The following CACNA1C variants were observed in gnomAD, a reference collection of about 807,000 sequenced individuals.
The protein encoded by CACNA1C is calcium voltage-gated channel subunit alpha1 C, also known as voltage-dependent L-type calcium channel subunit alpha-1C.
In CACNA1C, 30 loss-of-function variants were observed where a neutral mutation model predicts 229.0. The observed-to-expected ratio is 0.13, with a 90% confidence interval of 0.10 to 0.18. The LOEUF is 0.18. CACNA1C is among the 10% of genes least tolerant of loss of function. CACNA1C has a pLI of 1.00. For synonymous variants in CACNA1C, 1,114 were observed against 1,132.5 expected (o/e 0.98, Z 0.33); for missense variants, 1,658 against 2,845.0 (o/e 0.58, Z 9.49).
chr12:2,677,491 C>T lies in CACNA1C; in HGVS notation c.4957-242C>T. 1.6e-6 allele frequency: 1 copy of T among 613,988 alleles called. No homozygotes were observed. Among genetic ancestry groups the T allele is most frequent in the Non-Finnish European group, 2.8e-6 (1 of 352,542 alleles). 38.0% of individuals were successfully genotyped at this position (613,988 alleles called of 1,614,324 possible). A position where few individuals can be genotyped will look rare whatever the true frequency, so the allele number is the denominator to read the frequency against. On this transcript the variant is annotated intron_variant, in intron 40 of 46. Transcript: ENST00000399655. This position sits in a 1 kb window ranked among gnomAD's most constrained non-coding sequence, Gnocchi z 7.4. ...TACTTCACTGAGGCTCCCGTGACAGCCCCTGACCCCTGGTGCCCCGTCCTA... is the reference window on the plus strand; with the variant it reads ...TACTTCACTGAGGCTCCCGTGACAGTCCCTGACCCCTGGTGCCCCGTCCTA...
rs897822852 is a variant in CACNA1C, at chr12:2,221,832, G to A, written c.477+101402G>A. The A allele has an allele frequency of 7.2e-5, 11 of 152,166 alleles. No individual in the cohort carries two copies. The South Asian group carries it at 8.3e-4, about 11-fold the overall frequency. The allele number at this position is 152,166 out of a possible 1,614,324, so 9.4% of individuals were successfully genotyped here. A position where few individuals can be genotyped will look rare whatever the true frequency, so the allele number is the denominator to read the frequency against. On this transcript the variant is annotated intron_variant, in intron 3 of 46. Coordinates refer to ENST00000399655, the MANE Select transcript of CACNA1C (RefSeq NM_000719.7). The stretch of plus-strand genomic sequence containing the variant: ...GGGCTGGGTAACTAAGTTAGGATGC[G>A]TCCATATGATGGAACACCATGTAGC...
At chr12:2,173,358 A>G (rs2096552717) in intron 3 of CACNA1C, among the ~76,000 whole-genome samples, 1 of 152,192 alleles carries the variant, frequency 6.6e-6, no homozygotes, top group African/African-American at 2.4e-5. Flanking sequence ...ACGGGTATTA[A>G]TTGGCTATCA....
At chr12:2,091,152 A>G (rs896558927) in intron 1 of CACNA1C, among the ~76,000 whole-genome samples, 1 of 152,232 alleles carries the variant, frequency 6.6e-6, no homozygotes, top group African/African-American at 2.4e-5. Context: ...CTGCACCAGC[A>G]GAGGCATAGG....
At position 2,081,877 on chromosome 12, in the gene CACNA1C, C is replaced by T. The variant is rs2065778926; in HGVS notation, c.49+28266C>T. On this transcript the variant is annotated intron_variant, in intron 1 of 46. Coordinates refer to ENST00000399655, the MANE Select transcript of CACNA1C (RefSeq NM_000719.7). ...AAGAAAGCAGACAGAAATACCCAGA[C>T]ATTGACCTTTGGGCACCATCATTAT... Among the ~76,000 whole-genome samples the T allele has an allele frequency of 3.3e-5, 5 of 152,162 alleles. 1 individual carries two copies. The South Asian group carries it at 1.0e-3, about 32-fold the overall frequency.
At chr12:2,455,571 T>C (rs1411636423) in intron 4 of CACNA1C, among the ~76,000 whole-genome samples, 2 of 152,190 alleles carry the variant, frequency 1.3e-5, no homozygotes, top group East Asian at 1.9e-4. Flanking sequence ...ACTTGTGGCT[T>C]GCATCAGATT....
intron 9 of CACNA1C, among the ~76,000 whole-genome samples, chr12:2,545,891 C>T (rs1399027833): frequency 6.6e-5 from 10 of 152,260 alleles, no homozygotes; most frequent in Non-Finnish European, 1.2e-4. Context: ...AAGCACTTGA[C>T]ATCCAGAACT....
chr12:2,226,134 CA>C (rs1566519163), intron 3 of CACNA1C, among the ~76,000 whole-genome samples: 2,278 of 64,294 alleles, frequency 0.035, 54 homozygotes, highest in African/African-American at 0.12. Flanking sequence ...CGCACACACA[CA>C]CACACACACA....
chr12:2,440,046 C>G (rs2099204670), intron 3 of CACNA1C, among the ~76,000 whole-genome samples: 1 of 152,218 alleles, frequency 6.6e-6, no homozygotes, highest in Non-Finnish European at 1.5e-5. Context: ...CCCTGCGCAT[C>G]TGTCCGCTGG....
Position 2,654,373 on chromosome 12 carries a change from A to G in CACNA1C, c.4140+473A>G, listed in dbSNP as rs12305678. The stretch of plus-strand genomic sequence containing the variant: ...GGAAGAAGGAAGCAAGGAAGGGCCA[A>G]ATCAACACAAGGTTCACCGCATCAA... On this transcript the variant is annotated intron_variant, in intron 33 of 46. Coordinates refer to ENST00000399655, the MANE Select transcript of CACNA1C (RefSeq NM_000719.7). This position sits in a 1 kb window ranked among gnomAD's most constrained non-coding sequence, Gnocchi z 4.4. Among the ~76,000 whole-genome samples, 21,650 of 152,132 alleles carry G rather than the reference A, an allele frequency of 0.14. 2,473 individuals are homozygous for G. Among genetic ancestry groups the G allele is most frequent in the African/African-American group, 0.31 (12,897 of 41,480 alleles).
At chr12:2,320,981 C>T (rs1055950095) in intron 3 of CACNA1C, among the ~76,000 whole-genome samples, 5 of 152,234 alleles carry the variant, frequency 3.3e-5, no homozygotes, top group Non-Finnish European at 7.3e-5. Context: ...CATCACCACA[C>T]GGATGCTGCA....
chr12:2,319,958 G>A lies in CACNA1C; in HGVS notation c.478-129018G>A, dbSNP rs974781887. 1.4e-4 allele frequency among the ~76,000 whole-genome samples: 21 copies of A among 152,140 alleles called. No individual in the cohort carries two copies. The highest frequency in any genetic ancestry group is 4.6e-4 in the African/African-American group (19 of 41,426). On this transcript the variant is annotated intron_variant, in intron 3 of 46. Coordinates refer to ENST00000399655, the MANE Select transcript of CACNA1C (RefSeq NM_000719.7). This position sits in a 1 kb window ranked among gnomAD's most constrained non-coding sequence, Gnocchi z 4.0. ...CATGAGCTATTCTGGTCCTGACACC[G>A]GCTCCCACCCTTTAAAGCTCCTGTC...
At chr12:2,492,619 CT>C (rs1384981798) in intron 6 of CACNA1C, among the ~76,000 whole-genome samples, 37 of 152,378 alleles carry the variant, frequency 2.4e-4, no homozygotes, top group African/African-American at 8.4e-4. Flanking sequence ...TGTAAAGTGA[CT>C]TGCGTCCCTG....
At chr12:2,289,017 C>G (rs538655212) in intron 3 of CACNA1C, 3 of 152,348 alleles carry the variant, frequency 2.0e-5, no homozygotes, top group African/African-American at 7.2e-5. Flanking sequence ...CACTGTGGAC[C>G]AAGCTGGGAG....
At chr12:2,673,058 G>A (rs1025221326) in intron 38 of CACNA1C, among the ~76,000 whole-genome samples, 1 of 152,200 alleles carries the variant, frequency 6.6e-6, no homozygotes, top group Non-Finnish European at 1.5e-5. Context: ...TTGAACCCAG[G>A]CAGTCTGACA....
At chr12:1,984,633 G>GA (rs940486609) in intron 1 of CACNA1C, among the ~76,000 whole-genome samples, 2 of 151,788 alleles carry the variant, frequency 1.3e-5, no homozygotes, top group Non-Finnish European at 2.9e-5. Context: ...TTTGAGAGGA[G>GA]AAAAAATAAA....
intron 1 of CACNA1C, among the ~76,000 whole-genome samples, chr12:2,038,696 G>A (rs1190173149): frequency 3.3e-5 from 5 of 152,234 alleles, no homozygotes; most frequent in East Asian, 3.9e-4. Flanking sequence ...TAGTTTTGCC[G>A]GGCAGCTTTG....
At chr12:2,615,741 G>A (rs192531838) in intron 29 of CACNA1C, among the ~76,000 whole-genome samples, 18 of 152,304 alleles carry the variant, frequency 1.2e-4, no homozygotes, top group African/African-American at 2.4e-4. Context: ...CTCCAGTGTC[G>A]GCTGCTGGTT....
intron 5 of CACNA1C, among the ~76,000 whole-genome samples, chr12:2,475,221 C>G (rs1347513342): frequency 2.0e-5 from 3 of 151,930 alleles, no homozygotes; most frequent in Non-Finnish European, 4.4e-5. Flanking sequence ...ATGGCGTGAA[C>G]CCGGTAGGTG....
In CACNA1C at chr12:2,504,015, C is replaced by T. The variant is rs940211574; in HGVS notation, c.1114-827C>T. On this transcript the variant is annotated intron_variant, in intron 7 of 46. Coordinates refer to ENST00000399655, the MANE Select transcript of CACNA1C (RefSeq NM_000719.7). The surrounding 1 kb of genome is among the most constrained non-coding windows in gnomAD (Gnocchi z 6.8). ...GGTTTCAGTTCTCCAGGCCTGTCAG[C>T]AGGAGCTGACGCACTTCATACACCA... Among the ~76,000 whole-genome samples the T allele has an allele frequency of 6.6e-6, 1 of 152,234 alleles. No homozygotes were observed. The highest frequency in any genetic ancestry group is 2.1e-4 in the South Asian group (1 of 4,836).
Sources: allele counts gnomAD v4.1 joint callset (sites outside exome capture counted in the v4.1 genomes callset), GRCh38; gene constraint gnomAD v4.1.1; non-coding constraint Gnocchi (gnomAD v3.1); transcripts MANE v1.5; gene names NCBI Gene and HGNC (gene_info 2026-07-23, HGNC 2026-07-21).